Variants in ANKRD27 observed in about 807,000 individuals in gnomAD.
ANKRD27 encodes the protein ankyrin repeat domain 27, also known as ankyrin repeat domain-containing protein 27.
A neutral mutation model predicts 129.7 loss-of-function variants in ANKRD27; 112 were observed. The observed-to-expected ratio is 0.86, with a 90% CI of 0.74 to 1.01. ANKRD27 has a LOEUF of 1.01. ANKRD27 is among the 50% of genes least tolerant of loss of function. ANKRD27 has a pLI of 0.00. For missense variants in ANKRD27, 1,258 were observed against 1,300.5 expected, an observed-to-expected ratio of 0.97 and a Z score of 0.50; for synonymous variants, 516 against 511.2, an observed-to-expected ratio of 1.01 and a Z score of -0.13.
intron 22 of ANKRD27, among the ~76,000 whole-genome samples, chr19:32,615,045 C>G (rs377044): frequency 6.6e-6 from 1 of 151,848 alleles, no homozygotes; most frequent in African/African-American, 2.4e-5. Flanking sequence ...CCCTGGGGGG[C>G]TTTAGGTACC....
At chr19:32,636,732 T>C (rs1178753589) in intron 12 of ANKRD27, among the ~76,000 whole-genome samples, 1 of 148,614 alleles carries the variant, frequency 6.7e-6, no homozygotes. Flanking sequence ...TCTATATATA[T>C]ATATATATTT....
At chr19:32,601,611 CAAAAAA>C (rs386388881) in intron 26 of ANKRD27, among the ~76,000 whole-genome samples, 1 of 65,172 alleles carries the variant, frequency 1.5e-5, no homozygotes, top group Non-Finnish European at 3.2e-5. Context: ...GACTCTGTCT[CAAAAAA>C]AAAAAAAAAA....
chr19:32,659,502 T>C (rs1967607838), intron 1 of ANKRD27, among the ~76,000 whole-genome samples: 1 of 152,224 alleles, frequency 6.6e-6, no homozygotes, highest in African/African-American at 2.4e-5. Flanking sequence ...AATTCCAAGA[T>C]GACCCGTTTA....
At chr19:32,624,936 A>C (rs1220320137) in intron 17 of ANKRD27, among the ~76,000 whole-genome samples, 3 of 152,066 alleles carry the variant, frequency 2.0e-5, no homozygotes, top group African/African-American at 7.2e-5. Context: ...TTGTCTCAAA[A>C]AAAATTTGTT....
Position 32,626,842 on chromosome 19 carries a change from G to A in ANKRD27, c.1421-15C>T. The A allele has an allele frequency of 5.0e-6, 8 of 1,589,176 alleles. No homozygotes were observed. Among genetic ancestry groups the A allele is most frequent in the African/African-American group, 1.3e-5 (1 of 74,430 alleles). ...GGATGCCTGCCCTGCAGAGCAGAAG[G>A]ACGTCACGATGGAGAAGGAAGGCGC... is the stretch of plus-strand genomic sequence containing the variant. On this transcript the variant is annotated splice_polypyrimidine_tract_variant and intron_variant, in intron 15 of 28. Transcript: ENST00000306065.
In ANKRD27 at chr19:32,644,484, A is replaced by G. The variant is rs539543754; in HGVS notation, c.371-5T>C. 2.8e-5 allele frequency: 45 copies of G among 1,612,700 alleles called. No homozygotes were observed. The highest frequency in any genetic ancestry group is 3.5e-5 in the Non-Finnish European group (41 of 1,179,032). Reference sequence around the variant, plus strand: ...CTGAGGGTGCCAAAGGCTCTTCTGAAAAAGAAACAAACAGGTCAGGCCGGC... The same window carrying G: ...CTGAGGGTGCCAAAGGCTCTTCTGAGAAAGAAACAAACAGGTCAGGCCGGC... On this transcript the variant is annotated splice_region_variant and splice_polypyrimidine_tract_variant and intron_variant, in intron 4 of 28. Transcript: ENST00000306065.
At chr19:32,666,637 TTCTA>T (rs1413695626) in intron 1 of ANKRD27, among the ~76,000 whole-genome samples, 1 of 107,342 alleles carries the variant, frequency 9.3e-6, no homozygotes, top group African/African-American at 4.0e-5. Context: ...GAAATCAGAT[TTCTA>T]TTTTTTTTTT....
chr19:32,607,686 G>A lies in ANKRD27; in HGVS notation c.2322C>T (p.Asn774=), dbSNP rs763541677. Residue 774 remains asparagine, a synonymous_variant, in exon 23 of 29, where the codon AAC becomes AAT. Coordinates refer to ENST00000306065, the MANE Select transcript of ANKRD27 (RefSeq NM_032139.3). The part of the protein sequence containing the change: ...LKHGANAGAR[N]ADQAVPLHLA... ...GGTGGAGCGGGACGGCTTGGTCTGC[G>A]TTCCTGGCACCTGCGTTGGCCCCGT... is the stretch of plus-strand genomic sequence containing the variant. 21 of 1,612,476 alleles carry A rather than the reference G, an allele frequency of 1.3e-5. No homozygotes were observed. The highest frequency in any genetic ancestry group is 6.7e-5 in the East Asian group (3 of 44,870).
chr19:32,623,775 TC>T (rs1972049437), intron 17 of ANKRD27, among the ~76,000 whole-genome samples: 1 of 151,972 alleles, frequency 6.6e-6, no homozygotes, highest in South Asian at 2.1e-4. Context: ...GGTCTTGAAC[TC>T]CTGACCTCAG....
Position 32,646,620 on chromosome 19 carries a change from A to G in ANKRD27, c.214-5T>C, listed in dbSNP as rs367855651. On this transcript the variant is annotated splice_polypyrimidine_tract_variant and splice_region_variant and intron_variant, in intron 3 of 28. Transcript: ENST00000306065. ...GTTCCCTTGAATAAAGACATCCTGG[A>G]AACAAGAAAGCCATCACTGCACCAG... 5.6e-6 allele frequency: 9 copies of G among 1,611,462 alleles called. No homozygotes were observed. In the African/African-American group the frequency reaches 1.1e-4, roughly 19 times the overall value.
In ANKRD27 at chr19:32,643,350, T is replaced by G. The variant is rs748207274; in HGVS notation, c.642A>C (p.Ile214=). The change falls in exon 8 of 29, where the codon ATA becomes ATC. Residue 214 remains isoleucine (I), a splice_region_variant and synonymous_variant. Transcript: ENST00000306065. The part of the protein sequence containing the change: ...QMNLMKQAVE[I]YVHHEIYNLI... ...GGTTGTAAATTTCATGATGGACGTA[T>G]ATCTGTGGAATCAACAGACCCCATT... 1 of 1,613,958 alleles carries G rather than the reference T, an allele frequency of 6.2e-7. No homozygotes were observed. Among genetic ancestry groups the G allele is most frequent in the Non-Finnish European group, 8.5e-7 (1 of 1,180,026 alleles).
Position 32,643,528 on chromosome 19 carries a change from G to C in ANKRD27, c.585+44C>G. The C allele has an allele frequency of 1.9e-6, 3 of 1,613,628 alleles. 1 individual carries two copies. In the South Asian group the frequency reaches 3.3e-5, roughly 18 times the overall value. The stretch of plus-strand genomic sequence containing the variant: ...ACAGTGAAAGGGCTTGGATTTGCAT[G>C]GGGGTGCACCACAATTCTCCCTCTC... On this transcript the variant is annotated intron_variant, in intron 6 of 28. Coordinates refer to ENST00000306065, the MANE Select transcript of ANKRD27 (RefSeq NM_032139.3).
At chr19:32,625,824 G>C in intron 17 of ANKRD27, 50 bp downstream of exon 17, 1 of 1,388,602 alleles carries the variant, frequency 7.2e-7, no homozygotes, top group Middle Eastern at 1.8e-4. Context: ...ACTTCTCTAC[G>C]AGTGGGAAAG....
intron 23 of ANKRD27, 21 bp downstream of exon 23, chr19:32,607,614 C>A: frequency 2.5e-6 from 4 of 1,608,420 alleles, no homozygotes; most frequent in Non-Finnish European, 3.4e-6. Flanking sequence ...TGCTCCACCA[C>A]CCCCAACACA....
At chr19:32,611,734 A>C (rs892152757) in intron 22 of ANKRD27, among the ~76,000 whole-genome samples, 2 of 152,102 alleles carry the variant, frequency 1.3e-5, no homozygotes, top group Non-Finnish European at 2.9e-5. Flanking sequence ...GGCATGCACC[A>C]CCACGGCCAG....
chr19:32,625,924 T>C lies in ANKRD27; in HGVS notation c.1579A>G (p.Asn527Asp). ...HYKASAEVQDNNGNTPLHLAC... is the reference protein window; with the variant it reads ...HYKASAEVQDDNGNTPLHLAC... ...AGGTGGAGTGGCGTATTCCCATTGT[T>C]GTCCTGCACTTCCGCGCTGGCCTTG... Residue 527 changes from asparagine to aspartate, a missense_variant, in exon 17 of 29, where the codon AAC (asparagine) becomes GAC (aspartate). Coordinates refer to ENST00000306065, the MANE Select transcript of ANKRD27 (RefSeq NM_032139.3). The C allele has an allele frequency of 6.2e-7, 1 of 1,611,188 alleles. No homozygotes were observed. The highest frequency in any genetic ancestry group is 8.5e-7 in the Non-Finnish European group (1 of 1,179,114).
rs200447574 is a variant in ANKRD27, at chr19:32,643,417, C to T, written c.639+14G>A. The stretch of plus-strand genomic sequence containing the variant: ...AACAGGGTGTGCCTCCCAGCCACTC[C>T]GCCCCACCCTCACCTCCACTGCCTG... On this transcript the variant is annotated intron_variant, in intron 7 of 28. Transcript: ENST00000306065. The T allele has an allele frequency of 5.6e-4, 905 of 1,613,808 alleles. 5 individuals carry two copies. Among genetic ancestry groups the T allele is most frequent in the South Asian group, 4.9e-3 (449 of 91,044 alleles).
intron 1 of ANKRD27, among the ~76,000 whole-genome samples, chr19:32,674,672 A>T (rs899426573): frequency 1.4e-5 from 2 of 144,226 alleles, no homozygotes; most frequent in African/African-American, 5.2e-5. Context: ...TCGGACCCCC[A>T]CCCGCCGCTC....
At chr19:32,624,409 AC>A (rs1395347360) in intron 17 of ANKRD27, among the ~76,000 whole-genome samples, 5 of 151,754 alleles carry the variant, frequency 3.3e-5, no homozygotes, top group Non-Finnish European at 7.4e-5. Context: ...ACAGGGACTG[AC>A]CTAGAGGATC....
Sources: gnomAD v4.1 joint callset for allele counts (sites outside exome capture counted in the v4.1 genomes callset) on GRCh38, gnomAD v4.1.1 for gene constraint, MANE v1.5 for transcripts, NCBI Gene and HGNC (gene_info 2026-07-23, HGNC 2026-07-21) for gene names.